The following ZNF385D variants were observed in gnomAD, a reference collection of about 807,000 sequenced individuals.
ZNF385D encodes zinc finger protein 385D.
Under a neutral mutation model 35.8 loss-of-function variants are expected in ZNF385D, and 15 were observed. The observed-to-expected ratio is 0.42, with a 90% CI of 0.28 to 0.64. The LOEUF (loss-of-function observed/expected upper bound fraction) is 0.64, where lower values mean the gene tolerates loss of function less well. ZNF385D is among the 30% of genes least tolerant of loss of function. The probability of loss-of-function intolerance (pLI) is 0.23; values close to 1 mark genes in which losing one functional copy is unlikely to be tolerated. For missense variants in ZNF385D, 474 were observed against 494.6 expected (o/e 0.96, Z 0.39); for synonymous variants, 212 against 186.8 (o/e 1.13, Z -1.10).
At chr3:21,599,636 C>G (rs967300872) in intron 2 of ZNF385D, among the ~76,000 whole-genome samples, 1 of 152,094 alleles carries the variant, frequency 6.6e-6, no homozygotes, top group Non-Finnish European at 1.5e-5. Context: ...CTTAAAAGCA[C>G]TAGGATATGT....
chr3:22,016,611 C>T (rs536489296), intron 3 of ZNF385D, among the ~76,000 whole-genome samples: 29 of 152,074 alleles, frequency 1.9e-4, no homozygotes, highest in Non-Finnish European at 8.8e-5. Context: ...TCTCATTTTC[C>T]TTCCTGCCTA....
chr3:21,734,580 G>A (rs564762222), intron 1 of ZNF385D, among the ~76,000 whole-genome samples: 44 of 152,132 alleles, frequency 2.9e-4, no homozygotes, highest in African/African-American at 9.2e-4. Context: ...ACAACATGAG[G>A]TAAAGACACA....
intron 3 of ZNF385D, among the ~76,000 whole-genome samples, chr3:21,909,194 C>G (rs189586063): frequency 2.3e-4 from 29 of 127,758 alleles, no homozygotes; most frequent in Admixed American, 1.6e-3. Flanking sequence ...AAATATAATA[C>G]GGATATAATA....
intron 2 of ZNF385D, among the ~76,000 whole-genome samples, chr3:22,258,118 G>A (rs1700409783): frequency 1.3e-5 from 2 of 151,694 alleles, no homozygotes; most frequent in African/African-American, 4.8e-5. Context: ...AGAGTGAGGG[G>A]AGAGCCTTAC....
chr3:22,043,341 G>T (rs1210372929), intron 3 of ZNF385D, among the ~76,000 whole-genome samples: 2 of 152,078 alleles, frequency 1.3e-5, no homozygotes, highest in East Asian at 3.9e-4. Flanking sequence ...TAGGTCTGTG[G>T]CCCAGATTCT....
intron 3 of ZNF385D, among the ~76,000 whole-genome samples, chr3:22,160,709 G>T (rs1054549542): frequency 6.6e-6 from 1 of 152,044 alleles, no homozygotes; most frequent in African/African-American, 2.4e-5. Flanking sequence ...AACACCAAAA[G>T]ACTCTAGAAT....
chr3:22,107,259 G>C (rs898484196), intron 3 of ZNF385D, among the ~76,000 whole-genome samples: 15 of 151,860 alleles, frequency 9.9e-5, no homozygotes, highest in African/African-American at 2.9e-4. Flanking sequence ...CCGACCTCAG[G>C]TGATTTGCCT....
intron 2 of ZNF385D, among the ~76,000 whole-genome samples, chr3:22,240,833 C>A (rs1699455065): frequency 6.6e-6 from 1 of 150,986 alleles, no homozygotes; most frequent in South Asian, 2.2e-4. Flanking sequence ...TCCCCCTAAG[C>A]CTTCCTTGGC....
chr3:21,749,827 C>T (rs1044589826), intron 1 of ZNF385D, among the ~76,000 whole-genome samples: 2 of 152,200 alleles, frequency 1.3e-5, no homozygotes, highest in East Asian at 1.9e-4. Flanking sequence ...GCAAATAGTA[C>T]ATACAGAAAT....
chr3:22,337,417 C>T (rs1246663807), intron 2 of ZNF385D, among the ~76,000 whole-genome samples: 1 of 152,006 alleles, frequency 6.6e-6, no homozygotes, highest in African/African-American at 2.4e-5. Context: ...GCCTATAATC[C>T]CAGCTACTCA....
rs537154102 is a variant in ZNF385D, at chr3:21,853,324, C to G, written c.326-188296G>C. 5.9e-5 allele frequency among the ~76,000 whole-genome samples: 9 copies of G among 151,752 alleles called. No homozygotes were observed. In the South Asian group the frequency reaches 1.5e-3, roughly 24 times the overall value. ...TTCTTTTATAAATATTTTCCTGTATCGTGGTTTTAAAACATTTTTTAGGAA... is the reference window on the plus strand; with the variant it reads ...TTCTTTTATAAATATTTTCCTGTATGGTGGTTTTAAAACATTTTTTAGGAA... On this transcript the variant is annotated intron_variant, in intron 3 of 5. Transcript: ENST00000494108.
At chr3:22,366,255 T>A (rs201202185) in intron 2 of ZNF385D, among the ~76,000 whole-genome samples, 1 of 152,088 alleles carries the variant, frequency 6.6e-6, no homozygotes, top group East Asian at 1.9e-4. Flanking sequence ...CCAATACAAG[T>A]ACTCAATACT....
At chr3:21,951,487 C>A (rs1702063525) in intron 3 of ZNF385D, among the ~76,000 whole-genome samples, 1 of 151,712 alleles carries the variant, frequency 6.6e-6, no homozygotes, top group Admixed American at 6.6e-5. Context: ...ACAATCATGT[C>A]ATCTGCAAAC....
intron 4 of ZNF385D, among the ~76,000 whole-genome samples, chr3:21,471,031 A>C (rs1437278185): frequency 6.6e-6 from 1 of 152,170 alleles, no homozygotes; most frequent in Non-Finnish European, 1.5e-5. Context: ...CATTGATAAA[A>C]TCATTGAATT....
chr3:21,921,688 TTG>T (rs77833685), intron 3 of ZNF385D, among the ~76,000 whole-genome samples: 81,002 of 151,546 alleles, frequency 0.53, 23,688 homozygotes, highest in South Asian at 0.66. Context: ...CTTCAAAAGA[TTG>T]CCTCAGAGAT....
intron 1 of ZNF385D, among the ~76,000 whole-genome samples, chr3:21,689,016 T>G (rs2067196578): frequency 6.6e-6 from 1 of 151,650 alleles, no homozygotes; most frequent in Non-Finnish European, 1.5e-5. Context: ...TAAGATTACC[T>G]GAATATACAA....
At chr3:22,156,470 TTA>T (rs995232703) in intron 3 of ZNF385D, among the ~76,000 whole-genome samples, 26 of 151,996 alleles carry the variant, frequency 1.7e-4, no homozygotes, top group African/African-American at 6.3e-4. Flanking sequence ...AGAGCTAGGT[TTA>T]GAGAGAGAGA....
intron 1 of ZNF385D, among the ~76,000 whole-genome samples, chr3:21,735,308 T>C (rs1009295293): frequency 7.2e-5 from 11 of 152,210 alleles, no homozygotes; most frequent in Non-Finnish European, 1.3e-4. Flanking sequence ...CCATCCCTTA[T>C]ATCCCTAGGA....
intron 2 of ZNF385D, among the ~76,000 whole-genome samples, chr3:22,348,841 A>T (rs1020723850): frequency 1.6e-4 from 24 of 152,098 alleles, no homozygotes; most frequent in Non-Finnish European, 3.2e-4. Context: ...GAGAAATTAA[A>T]TTTCTGTTTT....
Sources: gnomAD v4.1 joint callset for allele counts (sites outside exome capture counted in the v4.1 genomes callset) on GRCh38, gnomAD v4.1.1 for gene constraint, MANE v1.5 for transcripts, NCBI Gene and HGNC (gene_info 2026-07-23, HGNC 2026-07-21) for gene names.